KIAA0319L: variants seen among roughly 807,000 people sequenced by gnomAD.
KIAA0319L encodes the protein dyslexia-associated protein KIAA0319-like protein.
A neutral mutation model predicts 120.1 loss-of-function variants in KIAA0319L; 55 were observed. That is an observed-to-expected ratio of 0.46 (90% CI 0.37 to 0.57). KIAA0319L has a LOEUF of 0.57. KIAA0319L is among the 20% of genes least tolerant of loss of function. KIAA0319L has a pLI of 0.00. For synonymous variants in KIAA0319L, 398 were observed against 471.9 expected, an observed-to-expected ratio of 0.84 and a Z score of 2.03; for missense variants, 1,049 against 1,255.3, an observed-to-expected ratio of 0.84 and a Z score of 2.48.
chr1:35,495,004 G>C (rs1295642512), intron 3 of KIAA0319L, among the ~76,000 whole-genome samples: 1 of 152,042 alleles, frequency 6.6e-6, no homozygotes, highest in Non-Finnish European at 1.5e-5. Flanking sequence ...ATATTCATAT[G>C]CCAAAAAAAA....
chr1:35,537,055 T>C (rs919018596), intron 2 of KIAA0319L, among the ~76,000 whole-genome samples: 6 of 152,206 alleles, frequency 3.9e-5, no homozygotes, highest in African/African-American at 1.2e-4. Context: ...TATGTAATAC[T>C]GTCTTTGTAC....
At chr1:35,540,610 T>C (rs571656982) in intron 2 of KIAA0319L, among the ~76,000 whole-genome samples, 1 of 152,352 alleles carries the variant, frequency 6.6e-6, no homozygotes, top group Admixed American at 6.5e-5. Flanking sequence ...GAGCACTGGA[T>C]AGAAAGGAAA....
chr1:35,479,060 G>C lies in KIAA0319L; in HGVS notation c.819C>G (p.Thr273=). 1 of 1,614,086 alleles carries C rather than the reference G, an allele frequency of 6.2e-7. No individual in the cohort carries two copies. Among genetic ancestry groups the C allele is most frequent in the Non-Finnish European group, 8.5e-7 (1 of 1,179,998 alleles). Residue 273 remains threonine (T), a synonymous_variant, in exon 4 of 21, where the codon ACC becomes ACG. Transcript: ENST00000325722. ...STQQVKSSEK[T]QIAVPQPVAP... is the part of the protein sequence containing the mutation. ...CCACTGGCTGGGGGACAGCAATCTG[G>C]GTTTTCTCAGAACTTTTTACTTGTT...
chr1:35,545,751 C>T (rs185108874), intron 2 of KIAA0319L, among the ~76,000 whole-genome samples: 62 of 152,050 alleles, frequency 4.1e-4, no homozygotes, highest in South Asian at 3.9e-3. Context: ...AAAAATTAGC[C>T]GGGCGTGGTG....
chr1:35,554,306 C>A, intron 2 of KIAA0319L, 44 bp downstream of exon 2: 1 of 1,470,206 alleles, frequency 6.8e-7, no homozygotes, highest in Non-Finnish European at 9.0e-7. Flanking sequence ...ATAAAATGCC[C>A]TTTTCTAAAA....
chr1:35,540,902 A>G (rs1646759773), intron 2 of KIAA0319L, among the ~76,000 whole-genome samples: 1 of 152,136 alleles, frequency 6.6e-6, no homozygotes, highest in South Asian at 2.1e-4. Context: ...AAGCTTCATG[A>G]GGGCAGAAAC....
At chr1:35,472,537 T>C (rs1643685986) in intron 5 of KIAA0319L, among the ~76,000 whole-genome samples, 1 of 152,044 alleles carries the variant, frequency 6.6e-6, no homozygotes, top group Non-Finnish European at 1.5e-5. Context: ...AGTCAGGATC[T>C]GCCTGCCTCA....
intron 2 of KIAA0319L, among the ~76,000 whole-genome samples, chr1:35,514,076 T>C (rs1178003825): frequency 2.0e-5 from 3 of 152,230 alleles, no homozygotes; most frequent in African/African-American, 7.2e-5. Context: ...CAATTCTAAA[T>C]TTGTATATTC....
intron 2 of KIAA0319L, among the ~76,000 whole-genome samples, chr1:35,508,442 T>C (rs1193523737): frequency 2.0e-5 from 3 of 152,058 alleles, no homozygotes; most frequent in Non-Finnish European, 4.4e-5. Flanking sequence ...TTACTAAATG[T>C]CCAACGGACT....
At chr1:35,539,142 T>C (rs1646697447) in intron 2 of KIAA0319L, among the ~76,000 whole-genome samples, 1 of 152,080 alleles carries the variant, frequency 6.6e-6, no homozygotes, top group Non-Finnish European at 1.5e-5. Context: ...CATACGGCCT[T>C]TACTCTCCAC....
At chr1:35,485,890 C>T (rs1644367798) in intron 3 of KIAA0319L, among the ~76,000 whole-genome samples, 1 of 152,160 alleles carries the variant, frequency 6.6e-6, no homozygotes, top group Non-Finnish European at 1.5e-5. Context: ...AGTCCTCCTA[C>T]CTCAGCCTCC....
intron 2 of KIAA0319L, among the ~76,000 whole-genome samples, chr1:35,514,019 G>T (rs1243201259): frequency 5.3e-5 from 8 of 152,130 alleles, no homozygotes; most frequent in African/African-American, 1.7e-4. Context: ...GTATTTTCCA[G>T]CCTTTTAAAT....
chr1:35,493,643 A>G (rs1367020317), intron 3 of KIAA0319L, among the ~76,000 whole-genome samples: 1 of 152,054 alleles, frequency 6.6e-6, no homozygotes, highest in African/African-American at 2.4e-5. Context: ...GCTTAAACTC[A>G]GGAGTTGGAG....
At chr1:35,549,417 GTCTAGAAGC>G (rs779125036) in intron 2 of KIAA0319L, among the ~76,000 whole-genome samples, 1 of 152,106 alleles carries the variant, frequency 6.6e-6, no homozygotes, top group Non-Finnish European at 1.5e-5. Context: ...CTGGTGCCTA[GTCTAGAAGC>G]AGACTCCTAG....
chr1:35,448,052 A>C, intron 16 of KIAA0319L, 121 bp downstream of exon 16: 1 of 934,140 alleles, frequency 1.1e-6, no homozygotes. Flanking sequence ...AAAAGGCAAC[A>C]TGAGTGTTTC....
intron 3 of KIAA0319L, among the ~76,000 whole-genome samples, chr1:35,483,536 T>C (rs977501722): frequency 3.3e-5 from 5 of 152,234 alleles, no homozygotes; most frequent in African/African-American, 9.6e-5. Flanking sequence ...ATGGACCATA[T>C]AGGTGTGGGT....
At chr1:35,466,528 A>G in intron 7 of KIAA0319L, 80 bp downstream of exon 7, 1 of 957,576 alleles carries the variant, frequency 1.0e-6, no homozygotes, top group Non-Finnish European at 1.6e-6. Context: ...ATGAGAATCA[A>G]AAACCCCAAA....
chr1:35,492,917 G>A (rs1010530240), intron 3 of KIAA0319L, among the ~76,000 whole-genome samples: 1 of 152,168 alleles, frequency 6.6e-6, no homozygotes, highest in Admixed American at 6.5e-5. Context: ...CCAGCACACT[G>A]GGAGGCTAAG....
intron 2 of KIAA0319L, among the ~76,000 whole-genome samples, chr1:35,520,108 CT>C (rs557915516): frequency 9.0e-4 from 128 of 142,712 alleles, no homozygotes; most frequent in Middle Eastern, 3.6e-3. Flanking sequence ...CTTTTCTTTT[CT>C]TTTTTTTTTT....
Sources: allele counts gnomAD v4.1 joint callset (sites outside exome capture counted in the v4.1 genomes callset), GRCh38; gene constraint gnomAD v4.1.1; transcripts MANE v1.5; gene names NCBI Gene and HGNC (gene_info 2026-07-23, HGNC 2026-07-21).